The following DLC1 variants were observed in gnomAD, a reference collection of about 807,000 sequenced individuals.
DLC1 encodes the protein rho GTPase-activating protein 7.
A neutral mutation model predicts 140.3 loss-of-function variants in DLC1; 54 were observed. That is an observed-to-expected ratio of 0.38 (90% CI 0.31 to 0.48). The LOEUF (loss-of-function observed/expected upper bound fraction) is 0.48. Ranked by LOEUF, DLC1 falls within the 20% of genes least tolerant of loss-of-function variation. DLC1 has a pLI of 0.96. For missense variants in DLC1, 2,536 were observed against 1,907.0 expected (o/e 1.33, Z -6.14); for synonymous variants, 986 against 728.1 (o/e 1.35, Z -5.70).
At chr8:13,102,499 C>T (rs1819180650) in intron 8 of DLC1, among the ~76,000 whole-genome samples, 1 of 152,250 alleles carries the variant, frequency 6.6e-6, no homozygotes, top group Non-Finnish European at 1.5e-5. Context: ...CACTGGGATT[C>T]CTTAAGCATG....
chr8:13,155,643 T>C (rs1824197660), intron 5 of DLC1, among the ~76,000 whole-genome samples: 1 of 152,152 alleles, frequency 6.6e-6, no homozygotes, highest in Admixed American at 6.5e-5. Context: ...CTATATTAAG[T>C]TGCAATTTGA....
At chr8:13,318,337 TA>T (rs1252968826) in intron 4 of DLC1, among the ~76,000 whole-genome samples, 1 of 152,284 alleles carries the variant, frequency 6.6e-6, no homozygotes, top group East Asian at 1.9e-4. Flanking sequence ...CTTGGCCAAC[TA>T]ATATAATCTT....
intron 2 of DLC1, among the ~76,000 whole-genome samples, chr8:13,431,006 A>G (rs370299589): frequency 1.3e-5 from 2 of 152,240 alleles, no homozygotes; most frequent in Admixed American, 6.5e-5. Context: ...AGAATAATCT[A>G]TAAAATGCAT....
At chr8:13,093,483 A>T (rs1818257654) in intron 12 of DLC1, among the ~76,000 whole-genome samples, 1 of 152,254 alleles carries the variant, frequency 6.6e-6, no homozygotes, top group South Asian at 2.1e-4. Flanking sequence ...AATGCATATG[A>T]ATATGCAAAT....
chr8:13,296,901 A>G (rs1388623861), intron 5 of DLC1, among the ~76,000 whole-genome samples: 3 of 152,012 alleles, frequency 2.0e-5, no homozygotes, highest in Non-Finnish European at 4.4e-5. Context: ...AGAAATTGTC[A>G]TCTACGTGTG....
intron 5 of DLC1, among the ~76,000 whole-genome samples, chr8:13,218,256 C>G (rs1828305978): frequency 6.6e-6 from 1 of 152,036 alleles, no homozygotes; most frequent in South Asian, 2.1e-4. Flanking sequence ...GGATTGAAGG[C>G]CTATGTTTAA....
rs78845882 is a variant in DLC1 at position 13,371,246 on chromosome 8, C to T, written c.1314+22307G>A. Among the ~76,000 whole-genome samples the T allele has an allele frequency of 4.2e-3, 635 of 152,216 alleles. 1 individual carries two copies. Among genetic ancestry groups the T allele is most frequent in the African/African-American group, 0.015 (610 of 41,520 alleles). ...TTCCTCTTTGCTATTACCTCAGTTT[C>T]GGCGTCATCATTTTGTCCCTGGATT... On this transcript the variant is annotated intron_variant, in intron 4 of 17. Transcript: ENST00000276297.
rs1801620133 is a variant in DLC1, at chr8:13,498,570, A to G, written c.1023+479T>C. ...GGGGTGGGAGTAGTTTAGCCTTTGTATATGTGAGGGGATTATTTTAAATAT... is the reference window on the plus strand; with the variant it reads ...GGGGTGGGAGTAGTTTAGCCTTTGTGTATGTGAGGGGATTATTTTAAATAT... On this transcript the variant is annotated intron_variant, in intron 2 of 17. Coordinates refer to ENST00000276297, the MANE Select transcript of DLC1 (RefSeq NM_182643.3). 2.0e-5 allele frequency among the ~76,000 whole-genome samples: 3 copies of G among 152,072 alleles called. No individual in the cohort carries two copies. In the South Asian group the frequency reaches 6.2e-4, roughly 32 times the overall value.
intron 5 of DLC1, among the ~76,000 whole-genome samples, chr8:13,167,054 T>C (rs1825156782): frequency 1.3e-5 from 2 of 152,200 alleles, no homozygotes; most frequent in African/African-American, 4.8e-5. Flanking sequence ...GATTGAATTC[T>C]GAATGAACAT....
At chr8:13,105,041 T>C (rs1819444463) in intron 7 of DLC1, among the ~76,000 whole-genome samples, 1 of 152,220 alleles carries the variant, frequency 6.6e-6, no homozygotes, top group Middle Eastern at 3.2e-3. Context: ...TGTAATCAAA[T>C]AGTCACTTGA....
At chr8:13,440,821 C>G (rs1240868878) in intron 2 of DLC1, among the ~76,000 whole-genome samples, 3 of 152,124 alleles carry the variant, frequency 2.0e-5, no homozygotes, top group African/African-American at 7.2e-5. Context: ...TCTCTTGCTG[C>G]TGCCACGTAA....
Position 13,100,423 on chromosome 8 carries a change from G to A in DLC1, c.1914C>T (p.Gly638=), listed in dbSNP as rs201952402. 6.8e-6 allele frequency: 11 copies of A among 1,614,098 alleles called. No homozygotes were observed. The highest frequency in any genetic ancestry group is 9.3e-6 in the Non-Finnish European group (11 of 1,180,044). Residue 638 remains glycine (G), a synonymous_variant, in exon 9 of 18, where the codon GGC becomes GGT. Transcript: ENST00000276297. The part of the protein sequence containing the change: ...SNLAGNDDSF[G]SLPSPKELSS... ...ACAGTTCCTTGGGAGAGGGCAGGCT[G>A]CCGAAAGAGTCGTCATTGCCTGCCA...
chr8:13,307,052 C>A (rs552395389), intron 4 of DLC1, among the ~76,000 whole-genome samples: 25 of 138,320 alleles, frequency 1.8e-4, no homozygotes, highest in Non-Finnish European at 3.2e-4. Context: ...CCATTGCACT[C>A]CATCCAGGGT....
intron 5 of DLC1, among the ~76,000 whole-genome samples, chr8:13,158,702 T>C (rs1412690018): frequency 1.3e-5 from 2 of 148,912 alleles, no homozygotes; most frequent in Admixed American, 6.9e-5. Context: ...GTAATCTTTA[T>C]TGCTAGAGTT....
chr8:13,525,881 C>G (rs1189567445), intron 1 of DLC1, among the ~76,000 whole-genome samples: 2 of 151,996 alleles, frequency 1.3e-5, no homozygotes, highest in Non-Finnish European at 2.9e-5. Flanking sequence ...GGTCTCATGG[C>G]AAAAAGATCT....
chr8:13,158,738 C>G lies in DLC1; in HGVS notation c.1349-43081G>C, dbSNP rs796317981. Among the ~76,000 whole-genome samples, 481 of 90,284 alleles carry G rather than the reference C, an allele frequency of 5.3e-3. 58 individuals are homozygous for G. Among genetic ancestry groups the G allele is most frequent in the African/African-American group, 0.022 (467 of 20,824 alleles). 59.2% of individuals were successfully genotyped at this position (90,284 alleles called of 152,430 possible). ...AATGTTCACAACCACCACCCTCCCCCCCCCCCCCCGCCCGCCACACATCTC... is the reference window on the plus strand; with the variant it reads ...AATGTTCACAACCACCACCCTCCCCGCCCCCCCCCGCCCGCCACACATCTC... On this transcript the variant is annotated intron_variant, in intron 5 of 17. Transcript: ENST00000276297.
intron 5 of DLC1, among the ~76,000 whole-genome samples, chr8:13,257,439 GAAAA>G (rs34452124): frequency 9.6e-6 from 1 of 104,434 alleles, no homozygotes; most frequent in Non-Finnish European, 1.9e-5. Context: ...CCTGTCTCAG[GAAAA>G]AAAAAAAAAA....
chr8:13,259,600 T>A (rs530471292), intron 5 of DLC1, among the ~76,000 whole-genome samples: 1 of 152,340 alleles, frequency 6.6e-6, no homozygotes, highest in Admixed American at 6.5e-5. Context: ...ATCTGTCTTA[T>A]TTCCTTCATT....
chr8:13,332,422 A>AT (rs1833628687), intron 4 of DLC1, among the ~76,000 whole-genome samples: 1 of 109,934 alleles, frequency 9.1e-6, no homozygotes, highest in South Asian at 3.4e-4. Context: ...CTATTGACTG[A>AT]TTTTCTTTTG....
Sources: gnomAD v4.1 joint callset for allele counts (sites outside exome capture counted in the v4.1 genomes callset) on GRCh38, gnomAD v4.1.1 for gene constraint, MANE v1.5 for transcripts, NCBI Gene and HGNC (gene_info 2026-07-23, HGNC 2026-07-21) for gene names.